PREX2: variants seen among roughly 807,000 people sequenced by gnomAD.
The protein encoded by PREX2 is phosphatidylinositol 3,4,5-trisphosphate-dependent Rac exchanger 2 protein.
In PREX2, 107 loss-of-function variants were observed where a neutral mutation model predicts 203.2. The observed-to-expected ratio is 0.53, with a 90% confidence interval of 0.45 to 0.62. PREX2 has a LOEUF of 0.62. PREX2 is among the 20% of genes least tolerant of loss of function. The pLI, the probability that PREX2 is intolerant of heterozygous loss-of-function variation, is 0.00. For synonymous variants in PREX2, 672 were observed against 663.6 expected (o/e 1.01, Z -0.19); for missense variants, 1,777 against 1,955.9 (o/e 0.91, Z 1.72).
intron 37 of PREX2, among the ~76,000 whole-genome samples, chr8:68,198,033 C>A (rs116744453): frequency 6.6e-6 from 1 of 151,920 alleles, no homozygotes; most frequent in South Asian, 2.1e-4. Context: ...AAAAGCCAAA[C>A]GCTTAGATAA....
chr8:68,162,690 G>A (rs1326332713), intron 35 of PREX2, among the ~76,000 whole-genome samples: 4 of 152,044 alleles, frequency 2.6e-5, no homozygotes, highest in South Asian at 4.2e-4. Flanking sequence ...TTGGAGGATC[G>A]GACCCCTCCC....
chr8:67,991,618 C>T (rs1806611648), intron 1 of PREX2, among the ~76,000 whole-genome samples: 1 of 152,204 alleles, frequency 6.6e-6, no homozygotes, highest in South Asian at 2.1e-4. Flanking sequence ...TGGGGGAAAC[C>T]ACCCCCATGA....
chr8:68,196,153 G>C (rs1812389897), intron 37 of PREX2, among the ~76,000 whole-genome samples: 1 of 151,942 alleles, frequency 6.6e-6, no homozygotes, highest in African/African-American at 2.4e-5. Flanking sequence ...TCTGTACTCT[G>C]TTCAACTTCG....
chr8:68,131,895 G>A (rs1219272853), intron 31 of PREX2, among the ~76,000 whole-genome samples: 1 of 152,054 alleles, frequency 6.6e-6, no homozygotes, highest in Admixed American at 6.5e-5. Flanking sequence ...GTATGGGTGG[G>A]AGTATTTCTG....
chr8:67,965,690 T>C (rs1805751495), intron 1 of PREX2, among the ~76,000 whole-genome samples: 1 of 152,144 alleles, frequency 6.6e-6, no homozygotes. Flanking sequence ...GAGTGTTCTG[T>C]TTGCCAGACC....
intron 1 of PREX2, among the ~76,000 whole-genome samples, chr8:67,983,736 G>A (rs1474398299): frequency 1.3e-5 from 2 of 152,176 alleles, no homozygotes; most frequent in South Asian, 2.1e-4. Flanking sequence ...ATTAGCTATT[G>A]TTATTATTGA....
rs188510134 is a variant in PREX2 at position 68,222,897 on chromosome 8, G to A, written c.4708-1662G>A. Among the ~76,000 whole-genome samples, 27 of 152,268 alleles carry A rather than the reference G, an allele frequency of 1.8e-4. 1 individual carries two copies. The South Asian group carries it at 2.5e-3, about 14-fold the overall frequency. ...CAAAATGCATTTCCTGAATCTAATC[G>A]TGAGCAAACATCAGACACACCCAAA... On this transcript the variant is annotated intron_variant, in intron 38 of 39. Transcript: ENST00000288368.
chr8:68,139,920 T>C (rs1811193995), intron 33 of PREX2, among the ~76,000 whole-genome samples: 1 of 152,152 alleles, frequency 6.6e-6, no homozygotes, highest in African/African-American at 2.4e-5. Context: ...ATATTTTCAT[T>C]TACTTGAATA....
In PREX2 at chr8:68,233,653, T is replaced by C. The variant is rs1813211961; in HGVS notation, c.*2275T>C. On this transcript the variant is annotated 3_prime_UTR_variant, in exon 40 of 40. Coordinates refer to ENST00000288368, the MANE Select transcript of PREX2 (RefSeq NM_024870.4). ...ACCTCCAAATGCTTTGCCTGTATTC[T>C]GTTGTTATTGCTTCACTTAATCCTC... 1 of 152,208 alleles carries C rather than the reference T, an allele frequency of 6.6e-6. No homozygotes were observed. The highest frequency in any genetic ancestry group is 1.5e-5 in the Non-Finnish European group (1 of 68,034). The allele number at this position is 152,208 out of a possible 1,614,324, so 9.4% of individuals were successfully genotyped here. A position where few individuals can be genotyped will look rare whatever the true frequency, so the allele number is the denominator to read the frequency against.
intron 37 of PREX2, among the ~76,000 whole-genome samples, chr8:68,200,244 G>A (rs1812475266): frequency 6.6e-6 from 1 of 151,834 alleles, no homozygotes; most frequent in Non-Finnish European, 1.5e-5. Context: ...CCTTTGGAAT[G>A]GAAAAAAGAA....
chr8:68,207,088 T>C (rs1289675286), intron 37 of PREX2, among the ~76,000 whole-genome samples: 1 of 152,164 alleles, frequency 6.6e-6, no homozygotes, highest in African/African-American at 2.4e-5. Flanking sequence ...ACAATTTTGA[T>C]GATATAACAA....
chr8:67,955,966 G>A (rs904835999), intron 1 of PREX2, among the ~76,000 whole-genome samples: 6 of 152,150 alleles, frequency 3.9e-5, no homozygotes, highest in African/African-American at 2.4e-5. Context: ...TTTAAATCAG[G>A]TATTGAGGTA....
At chr8:67,984,985 T>G (rs1806375168) in intron 1 of PREX2, among the ~76,000 whole-genome samples, 1 of 151,168 alleles carries the variant, frequency 6.6e-6, no homozygotes. Flanking sequence ...GACTTTGGGC[T>G]GTGCTTAAGT....
chr8:68,013,432 C>G (rs1236362033), intron 1 of PREX2, among the ~76,000 whole-genome samples: 1 of 152,138 alleles, frequency 6.6e-6, no homozygotes, highest in South Asian at 2.1e-4. Context: ...ACACTGGTGC[C>G]CAATAGAAAT....
chr8:68,222,498 T>C (rs1812972493), intron 38 of PREX2, among the ~76,000 whole-genome samples: 1 of 151,446 alleles, frequency 6.6e-6, no homozygotes, highest in East Asian at 1.9e-4. Context: ...TAATTATGAG[T>C]CCACACTGAT....
At chr8:67,974,799 T>A (rs868461639) in intron 1 of PREX2, among the ~76,000 whole-genome samples, 5 of 152,214 alleles carry the variant, frequency 3.3e-5, no homozygotes, top group Non-Finnish European at 7.4e-5. Flanking sequence ...TAATTTTGTT[T>A]CAAATTCATT....
rs759180342 is a variant in PREX2, at chr8:68,090,631, G to T, written c.2166G>T (p.Val722=). 6.2e-7 allele frequency: 1 copy of T among 1,613,884 alleles called. No homozygotes were observed. The highest frequency in any genetic ancestry group is 1.1e-5 in the South Asian group (1 of 91,076). Residue 722 remains valine, a synonymous_variant, in exon 20 of 40, where the codon GTG becomes GTT. Coordinates refer to ENST00000288368, the MANE Select transcript of PREX2 (RefSeq NM_024870.4). ...GLHPGQCIIK[V]NGINVSKETH... ...ACCCTGGACAGTGCATTATCAAGGTGAATGGAATCAATGTCAGCAAAGAGA... is the reference window on the plus strand; with the variant it reads ...ACCCTGGACAGTGCATTATCAAGGTTAATGGAATCAATGTCAGCAAAGAGA...
At chr8:68,128,265 T>C (rs1414412476) in intron 31 of PREX2, among the ~76,000 whole-genome samples, 1 of 152,218 alleles carries the variant, frequency 6.6e-6, no homozygotes, top group Non-Finnish European at 1.5e-5. Flanking sequence ...TGTGTATGTG[T>C]ATACACAGAA....
intron 36 of PREX2, 122 bp from the exon 37 acceptor site, chr8:68,192,213 C>G (rs2129614686): frequency 4.2e-6 from 3 of 708,126 alleles, no homozygotes; most frequent in East Asian, 5.5e-5. Context: ...TTAGTAGTCT[C>G]TAATTCCATT....
Sources: gnomAD v4.1 joint callset for allele counts (sites outside exome capture counted in the v4.1 genomes callset) on GRCh38, gnomAD v4.1.1 for gene constraint, MANE v1.5 for transcripts, NCBI Gene and HGNC (gene_info 2026-07-23, HGNC 2026-07-21) for gene names.